Variants in TIAM1 observed in about 807,000 individuals in gnomAD.
TIAM1 encodes the protein TIAM Rac1 associated GEF 1.
TIAM1 carries 65 observed loss-of-function variants against 163.5 expected under a neutral mutation model. The ratio of observed to expected loss-of-function variants is 0.40; its 90% CI spans 0.33 to 0.49. The LOEUF (loss-of-function observed/expected upper bound fraction) is 0.49, where lower values mean the gene tolerates loss of function less well. TIAM1 is among the 20% of genes least tolerant of loss of function. TIAM1 has a pLI of 0.77. For synonymous variants in TIAM1, 833 were observed against 810.1 expected, an observed-to-expected ratio of 1.03 and a Z score of -0.48; for missense variants, 1,789 against 2,044.7, an observed-to-expected ratio of 0.87 and a Z score of 2.41.
At chr21:31,323,078 A>G (rs1156452020) in intron 2 of TIAM1, among the ~76,000 whole-genome samples, 3 of 151,172 alleles carry the variant, frequency 2.0e-5, no homozygotes, top group Non-Finnish European at 4.4e-5. Flanking sequence ...TCATGAGGTC[A>G]AGAGATCGAG....
intron 1 of TIAM1, among the ~76,000 whole-genome samples, chr21:31,539,986 G>A (rs1023829812): frequency 2.0e-5 from 3 of 151,342 alleles, no homozygotes; most frequent in Non-Finnish European, 4.4e-5. Context: ...GAGCCCAGGA[G>A]TTCAAGACCA....
At chr21:31,515,361 A>G (rs2047348082) in intron 1 of TIAM1, among the ~76,000 whole-genome samples, 1 of 152,192 alleles carries the variant, frequency 6.6e-6, no homozygotes. Context: ...AAATCTGTGC[A>G]CTGTGCCCCA....
chr21:31,466,123 CA>C (rs1309087726), intron 1 of TIAM1, among the ~76,000 whole-genome samples: 2 of 152,116 alleles, frequency 1.3e-5, no homozygotes, highest in Admixed American at 1.3e-4. Context: ...ACATTTTTTA[CA>C]AATGGTAAGG....
rs539536531 is a variant in TIAM1, at chr21:31,173,403, C to T, written c.2888-8338G>A. Among the ~76,000 whole-genome samples the T allele has an allele frequency of 5.3e-5, 8 of 152,040 alleles. No individual in the cohort carries two copies. The South Asian group carries it at 6.2e-4, about 12-fold the overall frequency. On this transcript the variant is annotated intron_variant, in intron 15 of 27. Transcript: ENST00000541036. ...ACTGTTAGGATATAATTTTATTTTGCGTTTCAGTCATTTTACTGTTATAAG... is the reference window on the plus strand; with the variant it reads ...ACTGTTAGGATATAATTTTATTTTGTGTTTCAGTCATTTTACTGTTATAAG...
At chr21:31,363,316 T>C (rs940340264) in intron 2 of TIAM1, among the ~76,000 whole-genome samples, 2 of 152,144 alleles carry the variant, frequency 1.3e-5, no homozygotes, top group Admixed American at 1.3e-4. Context: ...AGCCTTACCC[T>C]GACTGGTACA....
chr21:31,255,377 A>G (rs558088854), intron 4 of TIAM1, among the ~76,000 whole-genome samples: 247 of 152,288 alleles, frequency 1.6e-3, no homozygotes, highest in African/African-American at 5.6e-3. Flanking sequence ...GGATGTCCCA[A>G]ATTCCCAGAA....
chr21:31,376,188 C>A (rs2076683832), intron 2 of TIAM1, among the ~76,000 whole-genome samples: 1 of 152,158 alleles, frequency 6.6e-6, no homozygotes, highest in South Asian at 2.1e-4. Context: ...TGCTTCCCCA[C>A]ATAGAGCTAA....
chr21:31,355,076 C>A (rs2076292966), intron 2 of TIAM1, among the ~76,000 whole-genome samples: 1 of 151,422 alleles, frequency 6.6e-6, no homozygotes, highest in Non-Finnish European at 1.5e-5. Context: ...ATCCCTTACA[C>A]ATATAACTTT....
intron 1 of TIAM1, among the ~76,000 whole-genome samples, chr21:31,491,575 A>G (rs2046470437): frequency 6.6e-6 from 1 of 152,174 alleles, no homozygotes; most frequent in African/African-American, 2.4e-5. Context: ...TCTGTCTGTA[A>G]CTCATCCTAA....
chr21:31,279,788 T>A (rs1017887426), intron 2 of TIAM1, among the ~76,000 whole-genome samples: 4 of 152,182 alleles, frequency 2.6e-5, no homozygotes, highest in African/African-American at 9.7e-5. Context: ...CACTACTATT[T>A]AAAATGTTTA....
intron 1 of TIAM1, among the ~76,000 whole-genome samples, chr21:31,538,986 A>G (rs1366148276): frequency 2.0e-5 from 3 of 152,146 alleles, no homozygotes; most frequent in East Asian, 1.9e-4. Context: ...GGGGCCCCAT[A>G]AATGGGAAAC....
chr21:31,511,690 G>A (rs574536938), intron 1 of TIAM1, among the ~76,000 whole-genome samples: 3 of 152,084 alleles, frequency 2.0e-5, no homozygotes, highest in South Asian at 2.1e-4. Flanking sequence ...ATCCTGGGTC[G>A]GGCCTCCCCG....
chr21:31,378,603 C>G (rs1025405683), intron 2 of TIAM1, among the ~76,000 whole-genome samples: 4 of 152,168 alleles, frequency 2.6e-5, no homozygotes, highest in Non-Finnish European at 4.4e-5. Context: ...AGGCTTTTAA[C>G]CATTTTACTC....
intron 2 of TIAM1, among the ~76,000 whole-genome samples, chr21:31,293,444 A>C (rs2074110427): frequency 6.6e-6 from 1 of 152,234 alleles, no homozygotes; most frequent in African/African-American, 2.4e-5. Flanking sequence ...TAGGCACCAC[A>C]ACCTACCAAG....
At chr21:31,415,779 T>C (rs2043352147) in intron 2 of TIAM1, among the ~76,000 whole-genome samples, 1 of 152,160 alleles carries the variant, frequency 6.6e-6, no homozygotes, top group Non-Finnish European at 1.5e-5. Flanking sequence ...AGCTCCTGGG[T>C]GATGTGGGGA....
chr21:31,388,494 A>G (rs189025113), intron 2 of TIAM1, among the ~76,000 whole-genome samples: 3 of 151,696 alleles, frequency 2.0e-5, no homozygotes, highest in East Asian at 3.9e-4. Context: ...TAAATGAAAT[A>G]AAATAAAATA....
intron 26 of TIAM1, among the ~76,000 whole-genome samples, 182 bp downstream of exon 26, chr21:31,126,883 C>T (rs867737334): frequency 4.6e-5 from 7 of 152,220 alleles, no homozygotes; most frequent in Middle Eastern, 6.8e-3. Context: ...TCCAAATGAT[C>T]AGGAATCCCG....
intron 26 of TIAM1, among the ~76,000 whole-genome samples, chr21:31,125,311 TC>T (rs2082153983): frequency 6.6e-6 from 1 of 152,006 alleles, no homozygotes; most frequent in South Asian, 2.1e-4. Flanking sequence ...TACCTGGTAT[TC>T]CCTATTAACA....
rs2046075532 is a variant in TIAM1 at position 31,480,455 on chromosome 21, A to C, written c.-421-16420T>G. Among the ~76,000 whole-genome samples the C allele has an allele frequency of 2.0e-5, 3 of 152,324 alleles. No homozygotes were observed. The South Asian group carries it at 6.2e-4, about 32-fold the overall frequency. On this transcript the variant is annotated intron_variant, in intron 1 of 28. Transcript: ENST00000286827. ...CTTGGGCTCTATTGCCTAATACACT[A>C]AAGTGACTTGGAGCAAACTGCTTAA...
Sources: allele counts gnomAD v4.1 joint callset (sites outside exome capture counted in the v4.1 genomes callset), GRCh38; gene constraint gnomAD v4.1.1; transcripts MANE v1.5; gene names NCBI Gene and HGNC (gene_info 2026-07-23, HGNC 2026-07-21).